The following CNRIP1 variants were observed in gnomAD, a reference collection of about 807,000 sequenced individuals.
The protein encoded by CNRIP1 is cannabinoid receptor interacting protein 1, also known as CB1 cannabinoid receptor-interacting protein 1.
In CNRIP1, 10 loss-of-function variants were observed where a neutral mutation model predicts 15.2. The observed-to-expected ratio is 0.66, with a 90% confidence interval of 0.41 to 1.12. CNRIP1 has a LOEUF of 1.12. Among genes scored for constraint, CNRIP1 ranks in the 50% most tolerant of loss-of-function variants. The pLI is 0.00. For synonymous variants in CNRIP1, 91 were observed against 83.2 expected, an observed-to-expected ratio of 1.09 and a Z score of -0.51; for missense variants, 211 against 214.7, an observed-to-expected ratio of 0.98 and a Z score of 0.11.
In CNRIP1 at chr2:68,293,483, C is replaced by G. The variant is rs1283592766; in HGVS notation, c.*379G>C. The G allele has an allele frequency of 2.0e-6, 2 of 998,572 alleles. No homozygotes were observed. The highest frequency in any genetic ancestry group is 1.7e-5 in the African/African-American group (1 of 57,646). The allele number at this position is 998,572 out of a possible 1,614,324, so 61.9% of individuals were successfully genotyped here. The stretch of plus-strand genomic sequence containing the variant: ...TGTTATTTTTAAATTTAACATTGAA[C>G]AAAAAAAAGGAGGAATCACTTAACT... On this transcript the variant is annotated 3_prime_UTR_variant, in exon 3 of 3. Coordinates refer to ENST00000263655, the MANE Select transcript of CNRIP1 (RefSeq NM_015463.3).
chr2:68,305,531 C>T (rs944236250), intron 2 of CNRIP1, among the ~76,000 whole-genome samples: 1 of 151,848 alleles, frequency 6.6e-6, no homozygotes, highest in Non-Finnish European at 1.5e-5. Flanking sequence ...GGCGGTGGCT[C>T]ACGCCTGTAA....
chr2:68,303,135 C>T (rs1298410671), intron 2 of CNRIP1, among the ~76,000 whole-genome samples: 2 of 152,118 alleles, frequency 1.3e-5, no homozygotes, highest in Admixed American at 6.5e-5. Context: ...CGTGAGTCAC[C>T]GCGCCCGGCC....
intron 1 of CNRIP1, among the ~76,000 whole-genome samples, chr2:68,318,325 T>C (rs151045288): frequency 6.6e-6 from 1 of 152,284 alleles, no homozygotes; most frequent in Non-Finnish European, 1.5e-5. Context: ...CCATATGTAG[T>C]AGATACAATA....
At chr2:68,286,338 A>ACACACACACC (rs1188380387) in intron 2 of CNRIP1, among the ~76,000 whole-genome samples, 1 of 151,362 alleles carries the variant, frequency 6.6e-6, no homozygotes, top group Non-Finnish European at 1.5e-5. Context: ...ACACACACAC[A>ACACACACACC]CACACACTCA....
exon 3 of CNRIP1, chr2:68,284,473 T>A: frequency 6.5e-7 from 1 of 1,541,590 alleles, no homozygotes. Flanking sequence ...GGGGTCGTTG[T>A]TCCAGGCACT....
intron 2 of CNRIP1, among the ~76,000 whole-genome samples, chr2:68,300,270 G>A (rs554796928): frequency 6.6e-5 from 10 of 152,282 alleles, no homozygotes; most frequent in Non-Finnish European, 1.3e-4. Flanking sequence ...ACTTGGCATT[G>A]CCAGTCCTTT....
chr2:68,307,098 T>A (rs1212789990), intron 2 of CNRIP1, among the ~76,000 whole-genome samples: 1 of 152,270 alleles, frequency 6.6e-6, no homozygotes, highest in Non-Finnish European at 1.5e-5. Context: ...ATTTTACAGT[T>A]GCAATTATTT....
downstream of CNRIP1, among the ~76,000 whole-genome samples, chr2:68,291,504 C>T (rs964363254): frequency 3.6e-4 from 54 of 152,102 alleles, no homozygotes; most frequent in Admixed American, 1.6e-3. Context: ...CTGATAACAG[C>T]GCAGCTATCC....
intron 2 of CNRIP1, among the ~76,000 whole-genome samples, chr2:68,308,180 G>A (rs1483642474): frequency 6.6e-6 from 1 of 151,916 alleles, no homozygotes; most frequent in African/African-American, 2.4e-5. Context: ...GTTACAGAGT[G>A]AGATTCTGTC....
chr2:68,284,713 G>A (rs1670984444), intron 2 of CNRIP1, among the ~76,000 whole-genome samples: 1 of 151,278 alleles, frequency 6.6e-6, no homozygotes, highest in African/African-American at 2.4e-5. Flanking sequence ...TTGGGAGGCT[G>A]AGGCAGAGAA....
chr2:68,311,798 AAAAAG>A (rs1390419348), intron 2 of CNRIP1, among the ~76,000 whole-genome samples: 2 of 151,228 alleles, frequency 1.3e-5, no homozygotes, highest in Non-Finnish European at 3.0e-5. Context: ...AAAAAAAAAA[AAAAAG>A]AAAAGGATCA....
chr2:68,310,798 A>G (rs1672043579), intron 2 of CNRIP1, among the ~76,000 whole-genome samples: 1 of 152,182 alleles, frequency 6.6e-6, no homozygotes, highest in Non-Finnish European at 1.5e-5. Context: ...CAGCAATTAC[A>G]AATGTGCTCA....
chr2:68,296,618 TCTC>T (rs1365289612), intron 2 of CNRIP1, among the ~76,000 whole-genome samples: 24 of 152,014 alleles, frequency 1.6e-4, no homozygotes, highest in East Asian at 7.7e-4. Flanking sequence ...TGTTTTATTT[TCTC>T]CTATGTTCTT....
chr2:68,313,069 A>G (rs1032010276), intron 2 of CNRIP1, among the ~76,000 whole-genome samples: 1 of 152,152 alleles, frequency 6.6e-6, no homozygotes, highest in African/African-American at 2.4e-5. Context: ...AAGGACCTAG[A>G]TTAAGCAAAA....
At chr2:68,307,940 C>T (rs1192722580) in intron 2 of CNRIP1, among the ~76,000 whole-genome samples, 1 of 152,076 alleles carries the variant, frequency 6.6e-6, no homozygotes, top group Non-Finnish European at 1.5e-5. Context: ...CCCCTGTAAT[C>T]CCAGTACTTT....
At chr2:68,296,349 T>C (rs1445977349) in intron 2 of CNRIP1, among the ~76,000 whole-genome samples, 1 of 151,692 alleles carries the variant, frequency 6.6e-6, no homozygotes, top group Non-Finnish European at 1.5e-5. Flanking sequence ...AGACCAGGAG[T>C]TTGAGACTAG....
At chr2:68,298,086 A>G (rs1671448579) in intron 2 of CNRIP1, among the ~76,000 whole-genome samples, 1 of 152,134 alleles carries the variant, frequency 6.6e-6, no homozygotes, top group African/African-American at 2.4e-5. Flanking sequence ...ATTCTATTAA[A>G]AATATGTACA....
intron 2 of CNRIP1, among the ~76,000 whole-genome samples, chr2:68,300,418 A>C (rs1671561474): frequency 6.6e-6 from 1 of 152,192 alleles, no homozygotes; most frequent in Non-Finnish European, 1.5e-5. Flanking sequence ...GGAGTTCAAG[A>C]CCAGCCTGGC....
chr2:68,317,401 G>A, intron 1 of CNRIP1, 94 bp from the exon 2 acceptor site: 2 of 1,337,704 alleles, frequency 1.5e-6, no homozygotes, highest in South Asian at 2.6e-5. Flanking sequence ...AACTTACAGG[G>A]TTTCACTAAG....
Sources: gnomAD v4.1 joint callset for allele counts (sites outside exome capture counted in the v4.1 genomes callset) on GRCh38, gnomAD v4.1.1 for gene constraint, MANE v1.5 for transcripts, NCBI Gene and HGNC (gene_info 2026-07-23, HGNC 2026-07-21) for gene names.